The following TCF4 variants were observed in gnomAD, a reference collection of about 807,000 sequenced individuals.
TCF4 encodes SL3-3 enhancer factor 2.
In TCF4, 3 loss-of-function variants were observed where a neutral mutation model predicts 82.1. The ratio of observed to expected loss-of-function variants is 0.04; its 90% CI spans 0.02 to 0.09. The LOEUF (loss-of-function observed/expected upper bound fraction) is 0.09, where lower values mean the gene tolerates loss of function less well. Among genes scored for constraint, TCF4 ranks in the 10% least tolerant of loss-of-function variants. The probability of loss-of-function intolerance (pLI) is 1.00; values close to 1 mark genes in which losing one functional copy is unlikely to be tolerated. For missense variants in TCF4, 518 were observed against 852.7 expected, an observed-to-expected ratio of 0.61 and a Z score of 4.89; for synonymous variants, 276 against 309.6, an observed-to-expected ratio of 0.89 and a Z score of 1.14.
chr18:55,600,380 T>C (rs917477513), intron 2 of TCF4, among the ~76,000 whole-genome samples: 1 of 152,196 alleles, frequency 6.6e-6, no homozygotes, highest in Non-Finnish European at 1.5e-5. Context: ...TATAAATTAT[T>C]ATGATGTATA....
In TCF4 at chr18:55,224,953, C is replaced by T. The variant is rs2046400515; in HGVS notation, c.*3082G>A. The T allele has an allele frequency of 6.6e-6, 1 of 152,190 alleles. No homozygotes were observed. The highest frequency in any genetic ancestry group is 6.6e-5 in the Admixed American group (1 of 15,250). 9.4% of individuals were successfully genotyped at this position (152,190 alleles called of 1,614,324 possible). A position where few individuals can be genotyped will look rare whatever the true frequency, so the allele number is the denominator to read the frequency against. The stretch of plus-strand genomic sequence containing the variant: ...ACCCTTTTGAAATTTTTGTATAGTA[C>T]TTTAATCTTAACTGTCTTCTGCTGA... On this transcript the variant is annotated 3_prime_UTR_variant, in exon 20 of 20. Transcript: ENST00000354452.
rs950799120 is a variant in TCF4 at position 55,462,638 on chromosome 18, C to G, written c.207+1438G>C. Among the ~76,000 whole-genome samples, 5 of 152,094 alleles carry G rather than the reference C, an allele frequency of 3.3e-5. No individual in the cohort carries two copies. In the South Asian group the frequency reaches 1.0e-3, roughly 31 times the overall value. ...GATGATTCTAAACAGACCTTGTTTT[C>G]TGAAACACAATTAAAAGTACCATGT... On this transcript the variant is annotated intron_variant, in intron 4 of 19. Transcript: ENST00000354452.
intron 9 of TCF4, among the ~76,000 whole-genome samples, chr18:55,276,178 A>C (rs1410640882): frequency 6.6e-6 from 1 of 152,190 alleles, no homozygotes; most frequent in East Asian, 1.9e-4. Flanking sequence ...CATGTAAAGA[A>C]GTATTAATTT....
upstream of TCF4, chr18:55,589,294 T>C: frequency 9.5e-7 from 1 of 1,051,762 alleles, no homozygotes; most frequent in Non-Finnish European, 1.1e-6. Flanking sequence ...ATTGAAACGT[T>C]ACCTTAAATG....
At chr18:55,323,535 A>T (rs1038918864) in intron 8 of TCF4, among the ~76,000 whole-genome samples, 1 of 152,208 alleles carries the variant, frequency 6.6e-6, no homozygotes, top group East Asian at 1.9e-4. Flanking sequence ...CTCTGCATTT[A>T]TTCGGAAGGT....
At chr18:55,324,566 A>G (rs2076236860) in intron 8 of TCF4, among the ~76,000 whole-genome samples, 2 of 152,182 alleles carry the variant, frequency 1.3e-5, no homozygotes, top group South Asian at 4.1e-4. Context: ...GCCAATTTTT[A>G]CAGGACCCTG....
At chr18:55,302,523 C>A in intron 8 of TCF4, 1 of 1,536,022 alleles carries the variant, frequency 6.5e-7, no homozygotes, top group Middle Eastern at 1.7e-4. Context: ...ACATGGCTGA[C>A]AGCATCAGAA....
chr18:55,511,880 A>G (rs952354734), intron 3 of TCF4, among the ~76,000 whole-genome samples: 3 of 152,180 alleles, frequency 2.0e-5, no homozygotes, highest in Non-Finnish European at 4.4e-5. Context: ...GCAAAAACTG[A>G]TTTGTGAAAT....
In TCF4 at chr18:55,396,292, C is replaced by T. The variant is rs550684347; in HGVS notation, c.369+7162G>A. On this transcript the variant is annotated intron_variant, in intron 6 of 19. Coordinates refer to ENST00000354452, the MANE Select transcript of TCF4 (RefSeq NM_001083962.2). ...TACTTGCTTTACTTCTCTGAGCATC[C>T]CTTTCTTAATTATTAAGGGACAATA... Among the ~76,000 whole-genome samples, 5 of 152,266 alleles carry T rather than the reference C, an allele frequency of 3.3e-5. No individual in the cohort carries two copies. In the East Asian group the frequency reaches 9.6e-4, roughly 29 times the overall value.
intron 15 of TCF4, among the ~76,000 whole-genome samples, chr18:55,236,126 G>A (rs1456153805): frequency 6.6e-6 from 1 of 151,950 alleles, no homozygotes; most frequent in Non-Finnish European, 1.5e-5. Context: ...AATTTTGGGT[G>A]GAGATGATCA....
At chr18:55,344,508 C>T (rs2080732756) in intron 8 of TCF4, among the ~76,000 whole-genome samples, 1 of 152,140 alleles carries the variant, frequency 6.6e-6, no homozygotes, top group African/African-American at 2.4e-5. Flanking sequence ...CCAAAATATA[C>T]TCTTCAGTGA....
chr18:55,508,469 C>G (rs892962149), intron 3 of TCF4, among the ~76,000 whole-genome samples: 1 of 152,196 alleles, frequency 6.6e-6, no homozygotes, highest in African/African-American at 2.4e-5. Flanking sequence ...TAAATTTGAT[C>G]ATGCTAATAG....
chr18:55,465,892 G>A (rs1210753097), intron 3 of TCF4, among the ~76,000 whole-genome samples: 1 of 152,062 alleles, frequency 6.6e-6, no homozygotes, highest in African/African-American at 2.4e-5. Flanking sequence ...TCTTGAATTT[G>A]GCCAAAAAGT....
intron 5 of TCF4, among the ~76,000 whole-genome samples, chr18:55,409,262 A>G (rs1462452221): frequency 6.6e-6 from 1 of 152,212 alleles, no homozygotes; most frequent in Non-Finnish European, 1.5e-5. Context: ...AGACTAATTA[A>G]AAGAATCTAC....
chr18:55,558,741 C>T (rs2097327715), intron 3 of TCF4, among the ~76,000 whole-genome samples: 1 of 152,078 alleles, frequency 6.6e-6, no homozygotes, highest in African/African-American at 2.4e-5. Context: ...GGTATGGTTT[C>T]CATGGGGCAT....
At chr18:55,551,835 T>G (rs924333009) in intron 3 of TCF4, 2 of 152,200 alleles carry the variant, frequency 1.3e-5, no homozygotes, top group Non-Finnish European at 2.9e-5. Flanking sequence ...AAATAAGATT[T>G]AAAAGAGCAC....
chr18:55,578,605 A>C (rs1457790195), intron 3 of TCF4, among the ~76,000 whole-genome samples: 1 of 152,128 alleles, frequency 6.6e-6, no homozygotes, highest in African/African-American at 2.4e-5. Flanking sequence ...AGCTAAAATT[A>C]CTTGGATCAA....
chr18:55,345,416 T>C (rs2080964829), intron 8 of TCF4, among the ~76,000 whole-genome samples: 2 of 152,172 alleles, frequency 1.3e-5, no homozygotes, highest in South Asian at 4.1e-4. Flanking sequence ...CTGTTCCCCA[T>C]TGTCATGTTA....
At chr18:55,269,765 G>C in intron 11 of TCF4, 66 bp downstream of exon 11, 3 of 1,602,722 alleles carry the variant, frequency 1.9e-6, no homozygotes, top group South Asian at 2.2e-5. Flanking sequence ...AAGGGAAAAA[G>C]AGGTCCTTGA....
Sources: gnomAD v4.1 joint callset for allele counts (sites outside exome capture counted in the v4.1 genomes callset) on GRCh38, gnomAD v4.1.1 for gene constraint, MANE v1.5 for transcripts, NCBI Gene and HGNC (gene_info 2026-07-23, HGNC 2026-07-21) for gene names.